DNAH3: variants seen among roughly 807,000 people sequenced by gnomAD.
The protein encoded by DNAH3 is axonemal beta dynein heavy chain 3.
A neutral mutation model predicts 432.5 loss-of-function variants in DNAH3; 332 were observed. The ratio of observed to expected loss-of-function variants is 0.77; its 90% CI spans 0.70 to 0.84. The LOEUF (loss-of-function observed/expected upper bound fraction) is 0.84, where lower values mean the gene tolerates loss of function less well. Among genes scored for constraint, DNAH3 ranks in the 40% least tolerant of loss-of-function variants. DNAH3 has a pLI of 0.00. For synonymous variants in DNAH3, 1,956 were observed against 1,900.2 expected, an observed-to-expected ratio of 1.03 and a Z score of -0.76; for missense variants, 4,861 against 5,114.0, an observed-to-expected ratio of 0.95 and a Z score of 1.51.
At chr16:21,067,004 C>T (rs538035672) in intron 24 of DNAH3, among the ~76,000 whole-genome samples, 1 of 152,270 alleles carries the variant, frequency 6.6e-6, no homozygotes, top group Non-Finnish European at 1.5e-5. Context: ...CTCCAAAATC[C>T]AGGCTCACAG....
chr16:21,050,737 C>A (rs762125635), intron 29 of DNAH3, among the ~76,000 whole-genome samples: 2 of 152,326 alleles, frequency 1.3e-5, no homozygotes, highest in Middle Eastern at 3.4e-3. Context: ...AGCCACCATG[C>A]CCAGCTAGAT....
intron 41 of DNAH3, chr16:21,019,291 G>C: frequency 3.6e-6 from 1 of 278,592 alleles, no homozygotes; most frequent in African/African-American, 2.2e-5. Flanking sequence ...TGAATAGCTG[G>C]GTTTATAGGT....
At chr16:21,145,599 T>A (rs538115285) in intron 2 of DNAH3, among the ~76,000 whole-genome samples, 193 bp from the exon 4 acceptor site, 1 of 152,238 alleles carries the variant, frequency 6.6e-6, no homozygotes, top group African/African-American at 2.4e-5. Context: ...TGAATTCTGA[T>A]GTCAGGGATA....
intron 30 of DNAH3, 109 bp downstream of exon 30, chr16:21,049,801 C>T: frequency 7.6e-7 from 1 of 1,320,370 alleles, no homozygotes; most frequent in South Asian, 1.2e-5. Flanking sequence ...GAGCTGGGGC[C>T]CATGCTGCCT....
chr16:20,995,423 C>T (rs914878066), intron 44 of DNAH3, among the ~76,000 whole-genome samples: 3 of 151,420 alleles, frequency 2.0e-5, no homozygotes, highest in East Asian at 2.0e-4. Flanking sequence ...GCATCATGCC[C>T]GGCTAATTTT....
Position 21,037,926 on chromosome 16 carries a change from A to AGAGGACAGTTGTTCC in DNAH3, c.4770_4784dup (p.Glu1591_Ser1595dup), listed in dbSNP as rs1452575900. ...GCATACCGTAGTCATAGTGATGCTG[A>AGAGGACAGTTGTTCC]GAGGACAGTTGTTCCGAGCACAGGC... On this transcript the variant is annotated inframe_insertion, in exon 34 of 62. Coordinates refer to ENST00000261383, the Ensembl canonical transcript of DNAH3. 1.9e-6 allele frequency: 3 copies of AGAGGACAGTTGTTCC among 1,614,186 alleles called. No homozygotes were observed. The Admixed American group carries it at 5.0e-5, about 27-fold the overall frequency.
intron 7 of DNAH3, among the ~76,000 whole-genome samples, chr16:21,130,718 G>A (rs2092540892): frequency 2.0e-5 from 3 of 152,094 alleles, no homozygotes; most frequent in Admixed American, 2.0e-4. Flanking sequence ...AAAAGCAAGT[G>A]GTAAAAAGCC....
At position 21,042,500 on chromosome 16, in the gene DNAH3, T is replaced by C. The variant is rs1330459236; in HGVS notation, c.4462-297A>G. ...TATTCTGTGTTTATTGGTTCAAAGA[T>C]CAGGGATTTTTATATTTCCTGATCT... On this transcript the variant is annotated intron_variant, in intron 31 of 61. Transcript: ENST00000261383. 2.6e-5 allele frequency among the ~76,000 whole-genome samples: 4 copies of C among 152,248 alleles called. No individual in the cohort carries two copies. The East Asian group carries it at 7.7e-4, about 29-fold the overall frequency.
At chr16:21,150,401 G>C (rs955810157) in intron 1 of DNAH3, 1 of 426,612 alleles carries the variant, frequency 2.3e-6, no homozygotes, top group Non-Finnish European at 4.6e-6. Context: ...CTCCTATCCA[G>C]TTGGTCTGAA....
intron 23 of DNAH3, among the ~76,000 whole-genome samples, chr16:21,067,776 G>GGAGGGAGAGAGAGAGA (rs374291201): frequency 2.4e-5 from 1 of 40,878 alleles, no homozygotes; most frequent in African/African-American, 1.2e-4. Context: ...GGGTGGGGAG[G>GGAGGGAGAGAGAGAGA]GAGAGAGAGA....
At chr16:21,032,930 A>G (rs1383711062) in intron 36 of DNAH3, among the ~76,000 whole-genome samples, 2 of 152,110 alleles carry the variant, frequency 1.3e-5, no homozygotes. Flanking sequence ...TCTTTAAGGT[A>G]TATTAAAATG....
chr16:21,145,948 C>G, intron 2 of DNAH3, 36 bp downstream of exon 3: 3 of 1,367,150 alleles, frequency 2.2e-6, no homozygotes, highest in Non-Finnish European at 3.1e-6. Flanking sequence ...CACCTCCTCA[C>G]CCTCAACAGA....
chr16:21,097,314 C>A (rs752103790), intron 18 of DNAH3, 41 bp downstream of exon 18: 12 of 1,610,812 alleles, frequency 7.4e-6, no homozygotes, highest in Non-Finnish European at 1.0e-5. Flanking sequence ...GATCCTCCAC[C>A]TCATCCCCAT....
intron 58 of DNAH3, among the ~76,000 whole-genome samples, chr16:20,943,397 A>T (rs34761201): frequency 0.17 from 25,649 of 151,588 alleles, 2,375 homozygotes; most frequent in Middle Eastern, 0.24. Flanking sequence ...CTTAAAAAAA[A>T]TTTTTTTGTA....
chr16:20,954,776 T>G (rs1018872495), intron 55 of DNAH3, 37 bp downstream of exon 55: 2 of 1,604,018 alleles, frequency 1.2e-6, no homozygotes, highest in African/African-American at 2.7e-5. Flanking sequence ...CTGATATCCT[T>G]TCCCTCAGGC....
At chr16:21,020,374 AC>A (rs1567647707) in intron 40 of DNAH3, among the ~76,000 whole-genome samples, 79 of 37,976 alleles carry the variant, frequency 2.1e-3, no homozygotes, top group Non-Finnish European at 3.2e-3. Context: ...ATATAAAATC[AC>A]TATATATATA....
exon 3 of DNAH3, chr16:21,145,400 T>A: frequency 6.2e-7 from 1 of 1,613,778 alleles, no homozygotes; most frequent in Non-Finnish European, 8.5e-7. Flanking sequence ...CTGTGTGACA[T>A]GACAGTCTAC....
rs1394786643 is a variant in DNAH3 at position 21,060,249 on chromosome 16, C to T, written c.3813+15G>A. On this transcript the variant is annotated intron_variant, in intron 26 of 61. Coordinates refer to ENST00000261383, the Ensembl canonical transcript of DNAH3. Reference sequence around the variant, plus strand: ...GCACTAGTGTCCTGGCATGTGTACCCCGGTTCTTGTTTACCTTGACATATG... The same window carrying T: ...GCACTAGTGTCCTGGCATGTGTACCTCGGTTCTTGTTTACCTTGACATATG... The T allele has an allele frequency of 6.2e-7, 1 of 1,604,848 alleles. No homozygotes were observed. Among genetic ancestry groups the T allele is most frequent in the Non-Finnish European group, 8.5e-7 (1 of 1,171,612 alleles).
chr16:21,059,575 G>C (rs1471565774), intron 26 of DNAH3, among the ~76,000 whole-genome samples: 1 of 152,116 alleles, frequency 6.6e-6, no homozygotes, highest in African/African-American at 2.4e-5. Flanking sequence ...AGGAGTTCGA[G>C]ACCAGCCTGG....
Sources: allele counts gnomAD v4.1 joint callset (sites outside exome capture counted in the v4.1 genomes callset), GRCh38; gene constraint gnomAD v4.1.1; transcripts MANE v1.5; gene names NCBI Gene and HGNC (gene_info 2026-07-23, HGNC 2026-07-21).